Variants in CACNG2 observed in about 807,000 individuals in gnomAD.
CACNG2 encodes the protein voltage-dependent calcium channel gamma-2 subunit.
Under a neutral mutation model 25.9 loss-of-function variants are expected in CACNG2, and 3 were observed. That is an observed-to-expected ratio of 0.12 (90% CI 0.05 to 0.30). The LOEUF is 0.30. Ranked by LOEUF, CACNG2 falls within the 10% of genes least tolerant of loss-of-function variation. The pLI, the probability that CACNG2 is intolerant of heterozygous loss-of-function variation, is 1.00. For missense variants in CACNG2, 341 were observed against 432.5 expected (o/e 0.79, Z 1.88); for synonymous variants, 167 against 173.3 (o/e 0.96, Z 0.29).
chr22:36,564,473 G>A lies in CACNG2; in HGVS notation c.850C>T (p.Pro284Ser). 1 of 1,614,038 alleles carries A rather than the reference G, an allele frequency of 6.2e-7. No homozygotes were observed. Among genetic ancestry groups the A allele is most frequent in the Non-Finnish European group, 8.5e-7 (1 of 1,179,986 alleles). Residue 284 changes from proline to serine, a missense_variant, in exon 4 of 4, where the codon CCC becomes TCC. Pro to Ser is a moderately conservative substitution (Grantham distance 74). Around this residue, in one of 2 missense-constraint regions of CACNG2, gnomAD observed 172 missense variants for 178.1 expected, o/e 0.97. Coordinates refer to ENST00000300105, the MANE Select transcript of CACNG2 (RefSeq NM_006078.5). The surrounding 1 kb of genome is among the most constrained non-coding windows in gnomAD (Gnocchi z 6.7). ...SRDPLKAATT[P>S]TATYNSDRDN... is the part of the protein sequence containing the mutation. ...CTGTCGGAGTTGTAGGTGGCGGTGG[G>A]CGTGGTGGCGGCCTTCAGGGGGTCC...
chr22:36,609,483 C>T (rs1351073804), intron 1 of CACNG2, among the ~76,000 whole-genome samples: 1 of 139,354 alleles, frequency 7.2e-6, no homozygotes, highest in South Asian at 2.4e-4. Flanking sequence ...GGAATCAGCC[C>T]GTAGAGCGTG....
chr22:36,672,665 C>T (rs1474768231), intron 1 of CACNG2, among the ~76,000 whole-genome samples: 5 of 152,222 alleles, frequency 3.3e-5, no homozygotes, highest in African/African-American at 9.6e-5. Flanking sequence ...GAGGTCCGTT[C>T]TCCTTCTCCA....
intron 2 of CACNG2, among the ~76,000 whole-genome samples, chr22:36,572,795 T>A (rs1603500430): frequency 6.6e-6 from 1 of 151,260 alleles, no homozygotes. Context: ...TGGCCAAGAG[T>A]ATACTCTATA....
chr22:36,646,454 CA>C (rs1256539973), intron 1 of CACNG2, among the ~76,000 whole-genome samples: 2 of 152,188 alleles, frequency 1.3e-5, no homozygotes, highest in African/African-American at 4.8e-5. Flanking sequence ...AGCAGCTCCT[CA>C]GCCAAGTTTT....
rs6000347 is a variant in CACNG2, at chr22:36,606,416, G to A, written c.212-18868C>T. Among the ~76,000 whole-genome samples, 3 of 152,126 alleles carry A rather than the reference G, an allele frequency of 2.0e-5. No individual in the cohort carries two copies. Among genetic ancestry groups the A allele is most frequent in the Non-Finnish European group, 4.4e-5 (3 of 68,024 alleles). On this transcript the variant is annotated intron_variant, in intron 1 of 3. Transcript: ENST00000300105. This position sits in a 1 kb window ranked among gnomAD's most constrained non-coding sequence, Gnocchi z 5.7. ...TGGAGGGACAGAGGGGTGAAGGAAC[G>A]CCTCTAAAGATTCATTGCTCGTGTA... is the stretch of plus-strand genomic sequence containing the variant.
chr22:36,567,428 C>T (rs1243471963), intron 2 of CACNG2, among the ~76,000 whole-genome samples: 2 of 152,130 alleles, frequency 1.3e-5, no homozygotes, highest in Admixed American at 6.5e-5. Flanking sequence ...AATGTGGGGT[C>T]GTGGTCCAGA....
intron 2 of CACNG2, among the ~76,000 whole-genome samples, chr22:36,576,607 TGA>T (rs921019096): frequency 6.7e-5 from 10 of 148,998 alleles, no homozygotes; most frequent in East Asian, 3.9e-4. Context: ...TGTGTGTGTG[TGA>T]GAGAGAGAGA....
chr22:36,645,926 C>CT (rs1442790031), intron 1 of CACNG2, among the ~76,000 whole-genome samples: 7 of 152,170 alleles, frequency 4.6e-5, no homozygotes, highest in African/African-American at 1.7e-4. Context: ...TAGAGTCAGA[C>CT]TTTTTTGGAT....
chr22:36,570,719 C>T (rs559593676), intron 2 of CACNG2, among the ~76,000 whole-genome samples: 32 of 147,740 alleles, frequency 2.2e-4, no homozygotes, highest in African/African-American at 5.0e-4. Flanking sequence ...GCTGAGATCG[C>T]GCCACTGCAC....
Position 36,631,648 on chromosome 22 carries a change from C to T in CACNG2, c.212-44100G>A, listed in dbSNP as rs531187054. Among the ~76,000 whole-genome samples the T allele has an allele frequency of 7.9e-5, 12 of 152,168 alleles. No individual in the cohort carries two copies. The East Asian group carries it at 2.3e-3, about 29-fold the overall frequency. Reference sequence around the variant, plus strand: ...CTCTGGTCCTCTGTGGATGTGTGGCCCCAAGGCACTGTCCTGTCTCACTCT... The same window carrying T: ...CTCTGGTCCTCTGTGGATGTGTGGCTCCAAGGCACTGTCCTGTCTCACTCT... On this transcript the variant is annotated intron_variant, in intron 1 of 3. Transcript: ENST00000300105.
intron 1 of CACNG2, among the ~76,000 whole-genome samples, chr22:36,650,569 G>T: frequency 6.6e-6 from 1 of 152,052 alleles, no homozygotes; most frequent in Non-Finnish European, 1.5e-5. Flanking sequence ...AGACATGGGG[G>T]TCTCACTGTG....
At chr22:36,610,447 A>G (rs1428722924) in intron 1 of CACNG2, among the ~76,000 whole-genome samples, 1 of 152,238 alleles carries the variant, frequency 6.6e-6, no homozygotes, top group African/African-American at 2.4e-5. Flanking sequence ...GACAAGTGTA[A>G]AGAGTGGTAT....
At chr22:36,638,103 A>T (rs564028068) in intron 1 of CACNG2, among the ~76,000 whole-genome samples, 2 of 151,868 alleles carry the variant, frequency 1.3e-5, no homozygotes, top group South Asian at 4.2e-4. Flanking sequence ...GACCTGTCTG[A>T]GTTATGTCAA....
At chr22:36,637,287 G>T (rs552997061) in intron 1 of CACNG2, among the ~76,000 whole-genome samples, 1 of 152,070 alleles carries the variant, frequency 6.6e-6, no homozygotes, top group East Asian at 1.9e-4. Flanking sequence ...GAGAGGCTTT[G>T]TGCCTGAAGG....
intron 1 of CACNG2, among the ~76,000 whole-genome samples, chr22:36,593,762 C>T (rs931373596): frequency 2.0e-4 from 30 of 151,824 alleles, no homozygotes; most frequent in East Asian, 1.9e-4. Context: ...TTGGTCCCAA[C>T]GCCTCTGGTG....
chr22:36,685,079 C>T (rs1184593708), intron 1 of CACNG2, among the ~76,000 whole-genome samples: 5 of 152,184 alleles, frequency 3.3e-5, no homozygotes, highest in Admixed American at 6.5e-5. Context: ...TTCCTCTCAT[C>T]GCTCAGTCCA....
rs566431179 is a variant in CACNG2 at position 36,560,873 on chromosome 22, A to T, written c.*3478T>A. 13 of 149,956 alleles carry T rather than the reference A, an allele frequency of 8.7e-5. No homozygotes were observed. Among genetic ancestry groups the T allele is most frequent in the Admixed American group, 4.6e-4 (7 of 15,088 alleles). The allele number at this position is 149,956 out of a possible 1,614,324, so 9.3% of individuals were successfully genotyped here. ...TCACTGAAGTGAGGACCAAGCTATA[A>T]AAAAAAAAAATCTTTATTTCATGTA... is the stretch of plus-strand genomic sequence containing the variant. On this transcript the variant is annotated 3_prime_UTR_variant, in exon 4 of 4. Coordinates refer to ENST00000300105, the MANE Select transcript of CACNG2 (RefSeq NM_006078.5).
At chr22:36,644,430 C>G (rs1936488544) in intron 1 of CACNG2, among the ~76,000 whole-genome samples, 1 of 152,176 alleles carries the variant, frequency 6.6e-6, no homozygotes, top group South Asian at 2.1e-4. Flanking sequence ...AAGATGCTCT[C>G]CAAGGTGCTG....
At chr22:36,655,651 ACTTT>A (rs201617937) in intron 1 of CACNG2, among the ~76,000 whole-genome samples, 2 of 150,078 alleles carry the variant, frequency 1.3e-5, no homozygotes, top group African/African-American at 5.0e-5. Flanking sequence ...TTCACTTAAG[ACTTT>A]CTTTCTTTTC....
Sources: gnomAD v4.1 joint callset for allele counts (sites outside exome capture counted in the v4.1 genomes callset) on GRCh38, gnomAD v4.1.1 for gene constraint, gnomAD v4.1.1 regional missense constraint, Gnocchi (gnomAD v3.1) non-coding constraint, MANE v1.5 for transcripts, NCBI Gene and HGNC (gene_info 2026-07-23, HGNC 2026-07-21) for gene names.